TTC17: variants seen among roughly 807,000 people sequenced by gnomAD.
TTC17 encodes tetratricopeptide repeat protein 17.
In TTC17, 58 loss-of-function variants were observed where a neutral mutation model predicts 143.8. The observed-to-expected ratio is 0.40, with a 90% confidence interval of 0.33 to 0.50. The LOEUF (loss-of-function observed/expected upper bound fraction) is 0.50. Among genes scored for constraint, TTC17 ranks in the 20% least tolerant of loss-of-function variants. The pLI is 0.49. For synonymous variants in TTC17, 501 were observed against 497.8 expected (o/e 1.01, Z -0.09); for missense variants, 1,273 against 1,392.5 (o/e 0.91, Z 1.37).
At chr11:43,362,006 G>A (rs979726341) in intron 1 of TTC17, among the ~76,000 whole-genome samples, 1 of 143,982 alleles carries the variant, frequency 6.9e-6, no homozygotes, top group African/African-American at 2.7e-5. Context: ...TTGAGATGGA[G>A]TTTTGCTCTT....
At chr11:43,366,138 AGTT>A (rs1273554486) in intron 1 of TTC17, among the ~76,000 whole-genome samples, 2 of 151,750 alleles carry the variant, frequency 1.3e-5, no homozygotes, top group African/African-American at 4.8e-5. Context: ...TCAGAAATCT[AGTT>A]GTCTTTAATT....
intron 21 of TTC17, among the ~76,000 whole-genome samples, chr11:43,485,449 TTTC>T (rs1440858404): frequency 1.3e-5 from 2 of 152,170 alleles, no homozygotes; most frequent in Non-Finnish European, 2.9e-5. Flanking sequence ...TAAGGAAAGT[TTTC>T]TTCTTAAAGG....
chr11:43,365,053 G>A (rs1038048838), intron 1 of TTC17, among the ~76,000 whole-genome samples: 2 of 151,280 alleles, frequency 1.3e-5, no homozygotes, highest in African/African-American at 2.4e-5. Context: ...TGCCTGCCTC[G>A]GCCTCCCAAA....
intron 16 of TTC17, among the ~76,000 whole-genome samples, chr11:43,418,108 T>C (rs868318656): frequency 6.6e-6 from 1 of 152,198 alleles, no homozygotes; most frequent in Non-Finnish European, 1.5e-5. Flanking sequence ...GCTAAAAAAA[T>C]TTTTTTGTAC....
chr11:43,364,588 A>G (rs1478673872), intron 1 of TTC17, among the ~76,000 whole-genome samples: 1 of 152,226 alleles, frequency 6.6e-6, no homozygotes, highest in Non-Finnish European at 1.5e-5. Flanking sequence ...TTTGCTAGGC[A>G]TCTGCCAAAC....
chr11:43,455,790 G>A lies in TTC17; in HGVS notation c.3030+4525G>A, dbSNP rs77134821. On this transcript the variant is annotated intron_variant, in intron 21 of 23. Transcript: ENST00000039989. The stretch of plus-strand genomic sequence containing the variant: ...ACTTCACAGAGGACTTTTACAAACC[G>A]TTAAAGACCAAAAATTTCCAATGCT... Among the ~76,000 whole-genome samples the A allele has an allele frequency of 9.4e-4, 143 of 151,928 alleles. 2 individuals carry two copies. The Middle Eastern group carries it at 0.01, about 11-fold the overall frequency.
intron 21 of TTC17, among the ~76,000 whole-genome samples, chr11:43,452,529 A>G (rs558276705): frequency 3.3e-5 from 5 of 151,990 alleles, no homozygotes; most frequent in South Asian, 2.1e-4. Context: ...GAATGAATGA[A>G]TGAGTGAATG....
intron 21 of TTC17, among the ~76,000 whole-genome samples, chr11:43,477,676 C>T (rs1234873675): frequency 6.6e-6 from 1 of 152,156 alleles, no homozygotes; most frequent in Non-Finnish European, 1.5e-5. Flanking sequence ...TGGGTCCTTC[C>T]CACAACACGT....
intron 1 of TTC17, among the ~76,000 whole-genome samples, chr11:43,372,950 TAGAG>T (rs1482744286): frequency 6.6e-6 from 1 of 152,126 alleles, no homozygotes; most frequent in Non-Finnish European, 1.5e-5. Flanking sequence ...TACAGAGGAA[TAGAG>T]AGAGGAAGGA....
intron 5 of TTC17, among the ~76,000 whole-genome samples, chr11:43,393,265 G>A (rs997319645): frequency 5.9e-5 from 9 of 152,188 alleles, no homozygotes; most frequent in Admixed American, 3.3e-4. Flanking sequence ...AAGGCCACCA[G>A]ACAAATTAGC....
intron 21 of TTC17, among the ~76,000 whole-genome samples, chr11:43,463,059 G>A (rs1322582468): frequency 6.6e-6 from 1 of 151,916 alleles, no homozygotes; most frequent in East Asian, 1.9e-4. Context: ...GGGACTACAG[G>A]CGTGCGCCAC....
Position 43,402,511 on chromosome 11 carries a change from A to G in TTC17, c.1332+953A>G, listed in dbSNP as rs149180003. 3.9e-3 allele frequency among the ~76,000 whole-genome samples: 590 copies of G among 152,212 alleles called. 1 individual carries two copies. The highest frequency in any genetic ancestry group is 6.7e-3 in the Non-Finnish European group (454 of 68,016). ...GAACTAACACATGTAATGATACCAG[A>G]TAGTATATAATAGATGTTGAATAAG... On this transcript the variant is annotated intron_variant, in intron 10 of 23. Coordinates refer to ENST00000039989, the MANE Select transcript of TTC17 (RefSeq NM_018259.6).
intron 16 of TTC17, among the ~76,000 whole-genome samples, chr11:43,442,208 A>G (rs1947439373): frequency 6.6e-6 from 1 of 152,226 alleles, no homozygotes; most frequent in Non-Finnish European, 1.5e-5. Flanking sequence ...ACAGTATTAT[A>G]ATTTTATGGC....
chr11:43,364,251 T>G (rs1856240951), intron 1 of TTC17, among the ~76,000 whole-genome samples: 1 of 152,018 alleles, frequency 6.6e-6, no homozygotes, highest in Non-Finnish European at 1.5e-5. Context: ...GAGACAGGGT[T>G]TCTTCATGTC....
At chr11:43,441,025 T>TTA (rs1329405598) in intron 16 of TTC17, among the ~76,000 whole-genome samples, 1 of 151,592 alleles carries the variant, frequency 6.6e-6, no homozygotes, top group Non-Finnish European at 1.5e-5. Flanking sequence ...ATCCAAGCAC[T>TTA]TAGAGAGCCT....
intron 21 of TTC17, among the ~76,000 whole-genome samples, chr11:43,470,320 T>C (rs979072143): frequency 9.9e-5 from 15 of 152,164 alleles, no homozygotes; most frequent in African/African-American, 3.4e-4. Flanking sequence ...CTGCCAAGTG[T>C]CAGTTCAGAT....
In TTC17 at chr11:43,405,813, T is replaced by C; in HGVS notation, c.1623T>C (p.Tyr541=). 1 of 1,614,078 alleles carries C rather than the reference T, an allele frequency of 6.2e-7. No homozygotes were observed. Residue 541 remains tyrosine (Y), a synonymous_variant, in exon 13 of 24, where the codon TAT becomes TAC. Coordinates refer to ENST00000039989, the MANE Select transcript of TTC17 (RefSeq NM_018259.6). ...TCCACGAACTCAGCAGTGATGATTA[T>C]TCTACAGAAGAAGAGGCCCAAACCC... ...LRIHELSSDD[Y]STEEEAQTPD...
At chr11:43,370,736 A>C (rs73549407) in intron 1 of TTC17, among the ~76,000 whole-genome samples, 220 of 152,362 alleles carry the variant, frequency 1.4e-3, no homozygotes, top group African/African-American at 5.0e-3. Context: ...CATATCAACT[A>C]GAAACCATAT....
At chr11:43,365,385 C>T (rs1239484867) in intron 1 of TTC17, among the ~76,000 whole-genome samples, 4 of 152,190 alleles carry the variant, frequency 2.6e-5, no homozygotes, top group African/African-American at 9.6e-5. Flanking sequence ...CCTCCCGCCT[C>T]AGCCTCCCAT....
Sources: gnomAD v4.1 joint callset for allele counts (sites outside exome capture counted in the v4.1 genomes callset) on GRCh38, gnomAD v4.1.1 for gene constraint, MANE v1.5 for transcripts, NCBI Gene and HGNC (gene_info 2026-07-23, HGNC 2026-07-21) for gene names.